Variants in BLOC1S5 observed in about 807,000 individuals in gnomAD.
The protein encoded by BLOC1S5 is biogenesis of lysosome-related organelles complex 1 subunit 5.
BLOC1S5 carries 27 observed loss-of-function variants against 24.3 expected under a neutral mutation model. The observed-to-expected ratio is 1.11, with a 90% CI of 0.82 to 1.53. BLOC1S5 has a LOEUF of 1.53. BLOC1S5 is among the 40% of genes most tolerant of loss of function. BLOC1S5 has a pLI of 0.00. For synonymous variants in BLOC1S5, 84 were observed against 74.5 expected, an observed-to-expected ratio of 1.13 and a Z score of -0.66; for missense variants, 239 against 229.4, an observed-to-expected ratio of 1.04 and a Z score of -0.27.
chr6:8,049,059 AGGGAG>A (rs966105090), intron 2 of BLOC1S5, among the ~76,000 whole-genome samples: 6 of 29,686 alleles, frequency 2.0e-4, no homozygotes, highest in African/African-American at 6.8e-4. Flanking sequence ...GGGGAGAGGA[AGGGAG>A]GGGAGGGGAG....
chr6:8,043,307 A>ACT (rs746748556), intron 2 of BLOC1S5, among the ~76,000 whole-genome samples: 4 of 152,202 alleles, frequency 2.6e-5, no homozygotes, highest in Non-Finnish European at 5.9e-5. Flanking sequence ...ATACTAGAGA[A>ACT]AACTAGCCAA....
intron 2 of BLOC1S5, among the ~76,000 whole-genome samples, chr6:8,058,681 C>G (rs952110663): frequency 2.0e-5 from 3 of 152,032 alleles, no homozygotes; most frequent in Admixed American, 6.6e-5. Context: ...CAGAGCGTGA[C>G]CCTGTCTCAA....
chr6:8,015,873 T>C (rs1296762167), intron 4 of BLOC1S5, 45 bp from the exon 5 acceptor site: 1 of 1,531,726 alleles, frequency 6.5e-7, no homozygotes, highest in Admixed American at 1.9e-5. Flanking sequence ...TTCCAGACAA[T>C]TATTTCATAA....
intron 2 of BLOC1S5, chr6:8,054,411 T>A (rs1764243557): frequency 3.1e-6 from 1 of 321,444 alleles, no homozygotes; most frequent in Non-Finnish European, 6.1e-6. Flanking sequence ...CCCACTGTTG[T>A]TAGGTAGAAG....
At chr6:8,026,552 A>C (rs1381860680) in intron 3 of BLOC1S5, 127 bp from the exon 4 acceptor site, 5 of 730,552 alleles carry the variant, frequency 6.8e-6, no homozygotes, top group Non-Finnish European at 1.1e-5. Context: ...CAAAGAACTG[A>C]TATTATTTTG....
intron 2 of BLOC1S5, among the ~76,000 whole-genome samples, chr6:8,056,565 T>A (rs1055158798): frequency 6.6e-6 from 1 of 152,186 alleles, no homozygotes; most frequent in African/African-American, 2.4e-5. Context: ...GTGGAAACTA[T>A]TTCAATGCTT....
At chr6:8,040,486 A>G (rs1763639642) in intron 3 of BLOC1S5, among the ~76,000 whole-genome samples, 3 of 152,236 alleles carry the variant, frequency 2.0e-5, no homozygotes, top group Admixed American at 1.3e-4. Flanking sequence ...ACCATTTACT[A>G]AACAGTAAAG....
chr6:8,052,916 G>A (rs569934428), intron 2 of BLOC1S5, among the ~76,000 whole-genome samples: 1 of 151,680 alleles, frequency 6.6e-6, no homozygotes, highest in African/African-American at 2.4e-5. Context: ...AAAAGAAGTG[G>A]AGCCTGAAGA....
rs111955375 is a variant in BLOC1S5 at position 8,041,655 on chromosome 6, C to CTTTCTTTCTTTTTTTT, written c.196-388_196-387insAAAAAAAAGAAAGAAA. On this transcript the variant is annotated intron_variant, in intron 2 of 4. Transcript: ENST00000397457. ...TAGTAATTACTTTCTTTCTTTCTTT[C>CTTTCTTTCTTTTTTTT]TTTTTTTTTGAGATGCAGTCTCGCC... Among the ~76,000 whole-genome samples, 57 of 111,922 alleles carry CTTTCTTTCTTTTTTTT rather than the reference C, an allele frequency of 5.1e-4. 1 individual carries two copies. In the East Asian group the frequency reaches 9.9e-3, roughly 19 times the overall value. The allele number at this position is 111,922 out of a possible 152,430, so 73.4% of individuals were successfully genotyped here.
At chr6:8,055,264 T>C (rs1447985506) in intron 2 of BLOC1S5, among the ~76,000 whole-genome samples, 1 of 152,142 alleles carries the variant, frequency 6.6e-6, no homozygotes, top group Non-Finnish European at 1.5e-5. Context: ...TGAAACCCTG[T>C]CTCTATTAAA....
chr6:8,025,766 A>G (rs1763080696), intron 4 of BLOC1S5, among the ~76,000 whole-genome samples: 1 of 152,192 alleles, frequency 6.6e-6, no homozygotes, highest in Non-Finnish European at 1.5e-5. Flanking sequence ...ATGTTTCTTA[A>G]TAAGTGTAAG....
At chr6:8,044,582 T>C (rs1284889017) in intron 2 of BLOC1S5, among the ~76,000 whole-genome samples, 1 of 152,196 alleles carries the variant, frequency 6.6e-6, no homozygotes, top group East Asian at 1.9e-4. Flanking sequence ...AGTTTGGGAC[T>C]TCCTAGAGAC....
In BLOC1S5 at chr6:8,015,657, T is replaced by G. The variant is rs143628313; in HGVS notation, c.556A>C (p.Thr186Pro). ...TGTTGTGGTTCAAGTTCTTAAAAGGTTGAAAATTTCGCTAGGTCCTTCTCC... is the reference window on the plus strand; with the variant it reads ...TGTTGTGGTTCAAGTTCTTAAAAGGGTGAAAATTTCGCTAGGTCCTTCTCC... ...EMEKDLAKFS[T>P]F Residue 186 changes from threonine (T) to proline (P), a missense_variant, in exon 5 of 5, where the codon ACC (threonine) becomes CCC (proline). Transcript: ENST00000397457. The G allele has an allele frequency of 6.8e-6, 11 of 1,610,134 alleles. No individual in the cohort carries two copies. In the African/African-American group the frequency reaches 1.2e-4, roughly 18 times the overall value.
At chr6:8,030,690 G>A (rs1471881618) in intron 3 of BLOC1S5, among the ~76,000 whole-genome samples, 1 of 151,014 alleles carries the variant, frequency 6.6e-6, no homozygotes. Context: ...TGAACAACAT[G>A]GTGAAACCCC....
intron 3 of BLOC1S5, 97 bp from the exon 4 acceptor site, chr6:8,026,522 T>A (rs1430418225): frequency 1.0e-6 from 1 of 969,842 alleles, no homozygotes; most frequent in African/African-American, 1.7e-5. Context: ...ATGAATTGTT[T>A]TAGATCTCAA....
At chr6:8,032,268 G>A (rs1245732756) in intron 3 of BLOC1S5, among the ~76,000 whole-genome samples, 2 of 151,992 alleles carry the variant, frequency 1.3e-5, no homozygotes, top group Non-Finnish European at 2.9e-5. Flanking sequence ...AAATCAGCAA[G>A]AGAAAAACAA....
At chr6:8,057,648 C>T (rs150905500) in intron 2 of BLOC1S5, among the ~76,000 whole-genome samples, 5 of 152,306 alleles carry the variant, frequency 3.3e-5, no homozygotes, top group African/African-American at 9.6e-5. Context: ...GACAGTGTCT[C>T]TAGTAATCTA....
At chr6:8,018,509 A>G (rs1366229211) in intron 4 of BLOC1S5, among the ~76,000 whole-genome samples, 1 of 152,178 alleles carries the variant, frequency 6.6e-6, no homozygotes, top group Non-Finnish European at 1.5e-5. Flanking sequence ...CCCCTTCCCA[A>G]CCAGAACGCA....
intron 2 of BLOC1S5, among the ~76,000 whole-genome samples, chr6:8,062,269 A>G (rs575883517): frequency 6.6e-6 from 1 of 152,224 alleles, no homozygotes. Context: ...TTCCCCCACT[A>G]TATCTCATTT....
Sources: allele counts gnomAD v4.1 joint callset (sites outside exome capture counted in the v4.1 genomes callset), GRCh38; gene constraint gnomAD v4.1.1; transcripts MANE v1.5; gene names NCBI Gene and HGNC (gene_info 2026-07-23, HGNC 2026-07-21).